Variants in FCHSD2 observed in about 807,000 individuals in gnomAD.
FCHSD2 encodes the protein FCH and double SH3 domains 2.
A neutral mutation model predicts 108.1 loss-of-function variants in FCHSD2; 38 were observed. That is an observed-to-expected ratio of 0.35 (90% CI 0.27 to 0.46). The LOEUF (loss-of-function observed/expected upper bound fraction) is 0.46. Among genes scored for constraint, FCHSD2 ranks in the 20% least tolerant of loss-of-function variants. The probability of loss-of-function intolerance (pLI) is 1.00; values close to 1 mark genes in which losing one functional copy is unlikely to be tolerated. For missense variants in FCHSD2, 751 were observed against 897.8 expected (o/e 0.84, Z 2.09); for synonymous variants, 279 against 314.7 (o/e 0.89, Z 1.20).
chr11:73,126,491 A>C (rs766496191), intron 2 of FCHSD2, among the ~76,000 whole-genome samples: 20 of 152,168 alleles, frequency 1.3e-4, no homozygotes, highest in Non-Finnish European at 2.4e-4. Flanking sequence ...AAGTATTCTT[A>C]ATACTTGTAC....
At chr11:73,093,519 C>T (rs558973976) in intron 2 of FCHSD2, among the ~76,000 whole-genome samples, 18 of 152,196 alleles carry the variant, frequency 1.2e-4, no homozygotes, top group Admixed American at 2.6e-4. Flanking sequence ...CTGTAATGCA[C>T]CCATTTAAAT....
chr11:72,915,903 C>T (rs574621249), intron 9 of FCHSD2, among the ~76,000 whole-genome samples: 1 of 152,264 alleles, frequency 6.6e-6, no homozygotes, highest in African/African-American at 2.4e-5. Context: ...AGAATGAGAT[C>T]GTGTCCTTTG....
chr11:72,998,961 A>G (rs1324828230), intron 5 of FCHSD2, among the ~76,000 whole-genome samples: 1 of 152,214 alleles, frequency 6.6e-6, no homozygotes, highest in Non-Finnish European at 1.5e-5. Context: ...AGATTTATAA[A>G]TCTGGCACAT....
Position 72,841,539 on chromosome 11 carries a change from C to A in FCHSD2, c.1971G>T (p.Pro657=). The change falls in exon 18 of 20, where the codon CCG becomes CCT. Residue 657 remains proline (P), a synonymous_variant. Coordinates refer to ENST00000409418, the MANE Select transcript of FCHSD2 (RefSeq NM_014824.3). ...GGCTGCTGGGAGGCTGGTCGTACAACGGCAGTGGAGGCAGGGAGGCGTGTG... is the reference window on the plus strand; with the variant it reads ...GGCTGCTGGGAGGCTGGTCGTACAAAGGCAGTGGAGGCAGGGAGGCGTGTG... ...PKPHASLPPL[P]LYDQPPSSPY... is the part of the protein sequence containing the mutation. 1 of 1,611,100 alleles carries A rather than the reference C, an allele frequency of 6.2e-7. No homozygotes were observed. The highest frequency in any genetic ancestry group is 8.5e-7 in the Non-Finnish European group (1 of 1,178,874).
intron 8 of FCHSD2, among the ~76,000 whole-genome samples, chr11:72,950,392 G>A (rs919173290): frequency 6.6e-6 from 1 of 151,960 alleles, no homozygotes; most frequent in African/African-American, 2.4e-5. Flanking sequence ...TGATATCTGA[G>A]AAACTGTTGC....
chr11:72,924,578 C>G (rs1331295516), intron 8 of FCHSD2, among the ~76,000 whole-genome samples: 1 of 151,634 alleles, frequency 6.6e-6, no homozygotes, highest in East Asian at 1.9e-4. Flanking sequence ...CACCACGCCC[C>G]ACCCAGCTAT....
At chr11:72,984,835 T>A (rs763407613) in intron 7 of FCHSD2, among the ~76,000 whole-genome samples, 13 of 152,228 alleles carry the variant, frequency 8.5e-5, no homozygotes, top group Non-Finnish European at 1.6e-4. Flanking sequence ...GCAGGTAAGG[T>A]CCAGAAACTT....
Position 73,001,967 on chromosome 11 carries a change from T to C in FCHSD2, c.243-833A>G, listed in dbSNP as rs543418138. 2.6e-5 allele frequency among the ~76,000 whole-genome samples: 4 copies of C among 152,322 alleles called. No individual in the cohort carries two copies. In the East Asian group the frequency reaches 7.7e-4, roughly 29 times the overall value. On this transcript the variant is annotated intron_variant, in intron 4 of 19. Transcript: ENST00000409418. ...AATTCTAGCATGCTCCTACACTATT[T>C]ATAAACACAATCGATAATTTATAAC... is the stretch of plus-strand genomic sequence containing the variant.
chr11:73,045,532 T>G (rs556398636), intron 3 of FCHSD2, among the ~76,000 whole-genome samples: 1 of 151,850 alleles, frequency 6.6e-6, no homozygotes, highest in Non-Finnish European at 1.5e-5. Context: ...TGTCCAACAA[T>G]GATAGAATGG....
intron 12 of FCHSD2, among the ~76,000 whole-genome samples, chr11:72,871,719 A>G (rs1854862385): frequency 6.6e-6 from 1 of 150,594 alleles, no homozygotes; most frequent in African/African-American, 2.4e-5. Context: ...ATAGATAGCC[A>G]CTGCACTCCA....
rs577785694 is a variant in FCHSD2 at position 73,020,409 on chromosome 11, T to C, written c.166-4524A>G. Among the ~76,000 whole-genome samples the C allele has an allele frequency of 1.9e-4, 29 of 152,362 alleles. No homozygotes were observed. In the South Asian group the frequency reaches 5.6e-3, roughly 29 times the overall value. On this transcript the variant is annotated intron_variant, in intron 3 of 19. Coordinates refer to ENST00000409418, the MANE Select transcript of FCHSD2 (RefSeq NM_014824.3). ...TACTAAGGGTTTGCCATTAGATGGC[T>C]CTTTAAAATTTTTGGAAACCATATT... is the stretch of plus-strand genomic sequence containing the variant.
Position 72,838,889 on chromosome 11 carries a change from A to G in FCHSD2, c.2140-15T>C, listed in dbSNP as rs912810050. 3.1e-6 allele frequency: 5 copies of G among 1,599,368 alleles called. No individual in the cohort carries two copies. In the African/African-American group the frequency reaches 4.0e-5, roughly 13 times the overall value. On this transcript the variant is annotated splice_polypyrimidine_tract_variant and intron_variant, in intron 19 of 19. Transcript: ENST00000409418. ...GCTGCCCGGACCTGAGCAGGAAACAATTACGTAGTTTGTCAGTCAGTTCCT... is the reference window on the plus strand; with the variant it reads ...GCTGCCCGGACCTGAGCAGGAAACAGTTACGTAGTTTGTCAGTCAGTTCCT...
rs1854785211 is a variant in FCHSD2 at position 72,868,698 on chromosome 11, CA to C, written c.1147-673del. 2.0e-5 allele frequency among the ~76,000 whole-genome samples: 3 copies of C among 149,958 alleles called. No individual in the cohort carries two copies. The South Asian group carries it at 6.3e-4, about 32-fold the overall frequency. ...AGAGCAAGACTCTGTTAAAAACAAACAAACAAACAAACAAACAAACAAACCA... is the reference window on the plus strand; with the variant it reads ...AGAGCAAGACTCTGTTAAAAACAAACAACAAACAAACAAACAAACAAACCA... On this transcript the variant is annotated intron_variant, in intron 12 of 19. Coordinates refer to ENST00000409418, the MANE Select transcript of FCHSD2 (RefSeq NM_014824.3).
chr11:72,846,402 G>A (rs926493766), intron 14 of FCHSD2, among the ~76,000 whole-genome samples: 6 of 151,962 alleles, frequency 3.9e-5, no homozygotes, highest in African/African-American at 7.3e-5. Flanking sequence ...GGCTGGTCTC[G>A]AACTCCTGAC....
At chr11:73,032,197 T>C (rs1391382299) in intron 3 of FCHSD2, among the ~76,000 whole-genome samples, 1 of 152,186 alleles carries the variant, frequency 6.6e-6, no homozygotes, top group Non-Finnish European at 1.5e-5. Flanking sequence ...TAAGAGCTTT[T>C]AGTTTTTATT....
intron 2 of FCHSD2, among the ~76,000 whole-genome samples, chr11:73,086,914 GA>G (rs1390253252): frequency 6.6e-6 from 1 of 152,180 alleles, no homozygotes; most frequent in Non-Finnish European, 1.5e-5. Context: ...CAATATGGAT[GA>G]ACCTTAAGAA....
At chr11:73,141,722 G>T in intron 1 of FCHSD2, 135 bp downstream of exon 1, 4 of 924,088 alleles carry the variant, frequency 4.3e-6, no homozygotes, top group South Asian at 1.7e-5. Flanking sequence ...TGGAGCCGGC[G>T]GCAAGTCGGT....
chr11:73,035,573 G>A (rs1386940721), intron 3 of FCHSD2, among the ~76,000 whole-genome samples: 1 of 151,944 alleles, frequency 6.6e-6, no homozygotes, highest in Non-Finnish European at 1.5e-5. Context: ...TAAAGCACTT[G>A]GCCCAATGTA....
chr11:73,096,987 A>ATGTTTTTTTTTTTTTTT (rs1860096435), intron 2 of FCHSD2, among the ~76,000 whole-genome samples: 3 of 27,020 alleles, frequency 1.1e-4, no homozygotes, highest in African/African-American at 2.0e-4. Context: ...TCATTGATGG[A>ATGTTTTTTTTTTTTTTT]TTTTTTTTTT....
Sources: allele counts gnomAD v4.1 joint callset (sites outside exome capture counted in the v4.1 genomes callset), GRCh38; gene constraint gnomAD v4.1.1; transcripts MANE v1.5; gene names NCBI Gene and HGNC (gene_info 2026-07-23, HGNC 2026-07-21).